The following BMPR1B variants were observed in gnomAD, a reference collection of about 807,000 sequenced individuals.
The protein encoded by BMPR1B is bone morphogenetic protein receptor type-1B.
In BMPR1B, 12 loss-of-function variants were observed where a neutral mutation model predicts 59.1. The observed-to-expected ratio is 0.20, with a 90% CI of 0.13 to 0.33. The LOEUF is 0.33. Ranked by LOEUF, BMPR1B falls within the 10% of genes least tolerant of loss-of-function variation. The pLI is 1.00. For synonymous variants in BMPR1B, 237 were observed against 207.3 expected (o/e 1.14, Z -1.23); for missense variants, 550 against 610.9 (o/e 0.90, Z 1.05).
chr4:94,839,856 C>T (rs1280054760), intron 1 of BMPR1B, among the ~76,000 whole-genome samples: 3 of 150,694 alleles, frequency 2.0e-5, no homozygotes, highest in Non-Finnish European at 3.0e-5. Context: ...TTCCTAGTCT[C>T]AATGGTCTTT....
chr4:94,786,577 T>C (rs1253474641), intron 1 of BMPR1B, among the ~76,000 whole-genome samples: 2 of 152,172 alleles, frequency 1.3e-5, no homozygotes, highest in East Asian at 1.9e-4. Flanking sequence ...CTCGCTCTGT[T>C]GCCCAGGCTG....
intron 3 of BMPR1B, among the ~76,000 whole-genome samples, chr4:95,095,573 C>T (rs540970825): frequency 6.6e-6 from 1 of 151,972 alleles, no homozygotes; most frequent in African/African-American, 2.4e-5. Flanking sequence ...AGGTGAAGAA[C>T]AGTGATGAGA....
intron 1 of BMPR1B, among the ~76,000 whole-genome samples, chr4:94,830,358 A>G (rs1167133311): frequency 6.6e-6 from 1 of 152,210 alleles, no homozygotes; most frequent in Non-Finnish European, 1.5e-5. Context: ...TATACTTTGT[A>G]TTTATAAATA....
chr4:95,094,067 G>A (rs1285076014), intron 3 of BMPR1B, among the ~76,000 whole-genome samples: 3 of 151,794 alleles, frequency 2.0e-5, no homozygotes, highest in East Asian at 1.9e-4. Flanking sequence ...TATGTATTTC[G>A]GCTTTCCATA....
intron 1 of BMPR1B, among the ~76,000 whole-genome samples, chr4:94,761,692 T>C (rs1352514320): frequency 6.6e-6 from 1 of 152,194 alleles, no homozygotes; most frequent in Admixed American, 6.5e-5. Context: ...TTCTTGAATT[T>C]CATAATCAAG....
At chr4:95,135,100 C>A (rs1048885675) in intron 10 of BMPR1B, among the ~76,000 whole-genome samples, 154 of 152,196 alleles carry the variant, frequency 1.0e-3, no homozygotes, top group Non-Finnish European at 1.8e-3. Flanking sequence ...TTTTCCCAGC[C>A]CCATTTATTA....
chr4:94,767,878 T>C (rs1407950410), intron 1 of BMPR1B, among the ~76,000 whole-genome samples: 1 of 152,080 alleles, frequency 6.6e-6, no homozygotes, highest in Non-Finnish European at 1.5e-5. Context: ...TCCTCAAATA[T>C]AGAAGTTGTA....
intron 3 of BMPR1B, among the ~76,000 whole-genome samples, chr4:95,017,805 G>T (rs937297268): frequency 6.6e-6 from 1 of 152,156 alleles, no homozygotes; most frequent in African/African-American, 2.4e-5. Flanking sequence ...AATGCAAAGA[G>T]TCTACATTTT....
At chr4:94,899,454 C>CAT (rs1491197022) in intron 2 of BMPR1B, among the ~76,000 whole-genome samples, 3 of 147,056 alleles carry the variant, frequency 2.0e-5, no homozygotes, top group African/African-American at 7.7e-5. Flanking sequence ...TACACACACA[C>CAT]ATATATATTT....
At chr4:95,066,538 C>T (rs1202296428) in intron 3 of BMPR1B, among the ~76,000 whole-genome samples, 1 of 152,100 alleles carries the variant, frequency 6.6e-6, no homozygotes, top group African/African-American at 2.4e-5. Context: ...TCTTCTGTTT[C>T]TAGAGCTTGT....
intron 3 of BMPR1B, among the ~76,000 whole-genome samples, chr4:95,055,812 GTA>G (rs2149196271): frequency 6.6e-6 from 1 of 152,268 alleles, no homozygotes; most frequent in South Asian, 2.1e-4. Context: ...TCTGTACATA[GTA>G]TAATTCAAAC....
chr4:94,885,974 A>G (rs1481971899), intron 2 of BMPR1B, among the ~76,000 whole-genome samples: 1 of 152,208 alleles, frequency 6.6e-6, no homozygotes, highest in East Asian at 1.9e-4. Flanking sequence ...AAGTAAGATG[A>G]TAGAAATAAA....
intron 3 of BMPR1B, among the ~76,000 whole-genome samples, chr4:95,050,036 A>G (rs1421105802): frequency 1.3e-5 from 2 of 151,990 alleles, no homozygotes; most frequent in African/African-American, 4.8e-5. Context: ...TCAGCTATTC[A>G]CTTCTTGCCC....
At chr4:94,807,152 TG>T (rs1723636118) in intron 1 of BMPR1B, among the ~76,000 whole-genome samples, 1 of 152,144 alleles carries the variant, frequency 6.6e-6, no homozygotes, top group Non-Finnish European at 1.5e-5. Context: ...TGGAGTGCAG[TG>T]GTGTGATCTC....
At chr4:95,073,160 C>A (rs1372240914) in intron 3 of BMPR1B, among the ~76,000 whole-genome samples, 2 of 152,112 alleles carry the variant, frequency 1.3e-5, no homozygotes, top group East Asian at 1.9e-4. Flanking sequence ...TTACAGATTT[C>A]TTTTTCAGCA....
chr4:95,018,523 T>C (rs1160629642), intron 3 of BMPR1B, among the ~76,000 whole-genome samples: 1 of 152,164 alleles, frequency 6.6e-6, no homozygotes, highest in Admixed American at 6.6e-5. Flanking sequence ...TGAGTTAATA[T>C]TAACTACCAC....
chr4:94,862,802 G>A (rs994225927), intron 1 of BMPR1B, among the ~76,000 whole-genome samples: 6 of 151,896 alleles, frequency 4.0e-5, no homozygotes, highest in Admixed American at 2.0e-4. Flanking sequence ...AAAATTAGCC[G>A]GGCGTGGTTG....
chr4:94,815,246 G>A (rs1158385451), intron 1 of BMPR1B, among the ~76,000 whole-genome samples: 6 of 152,014 alleles, frequency 3.9e-5, no homozygotes. Flanking sequence ...CTTGCACATT[G>A]TGTGTCTTTT....
intron 1 of BMPR1B, among the ~76,000 whole-genome samples, chr4:94,817,815 C>T (rs1031906992): frequency 6.6e-6 from 1 of 152,156 alleles, no homozygotes; most frequent in African/African-American, 2.4e-5. Flanking sequence ...TCTGATGGCA[C>T]CACACTTTTC....
Sources: allele counts gnomAD v4.1 joint callset (sites outside exome capture counted in the v4.1 genomes callset), GRCh38; gene constraint gnomAD v4.1.1; transcripts MANE v1.5; gene names NCBI Gene and HGNC (gene_info 2026-07-23, HGNC 2026-07-21).